The following RIPOR1 variants were observed in gnomAD, a reference collection of about 807,000 sequenced individuals.
The protein encoded by RIPOR1 is RHO family interacting cell polarization regulator 1.
In RIPOR1, 58 loss-of-function variants were observed where a neutral mutation model predicts 116.5. The observed-to-expected ratio is 0.50, with a 90% CI of 0.40 to 0.62. RIPOR1 has a LOEUF of 0.62. Among genes scored for constraint, RIPOR1 ranks in the 20% least tolerant of loss-of-function variants. RIPOR1 has a pLI of 0.00. For synonymous variants in RIPOR1, 605 were observed against 650.0 expected, an observed-to-expected ratio of 0.93 and a Z score of 1.05; for missense variants, 1,372 against 1,586.2, an observed-to-expected ratio of 0.86 and a Z score of 2.29.
chr16:67,538,979 C>A lies in RIPOR1; in HGVS notation c.258-11C>A. 6.2e-7 allele frequency: 1 copy of A among 1,613,924 alleles called. No individual in the cohort carries two copies. The highest frequency in any genetic ancestry group is 1.1e-5 in the South Asian group (1 of 91,046). ...AGCCGAGTTCATTCTTGTGGTCGCC[C>A]CTTTCCTCAGGGCCTACTTGGAAGT... On this transcript the variant is annotated splice_polypyrimidine_tract_variant and intron_variant, in intron 3 of 21. Coordinates refer to ENST00000042381, the MANE Select transcript of RIPOR1 (RefSeq NM_024519.4).
upstream of RIPOR1, among the ~76,000 whole-genome samples, chr16:67,526,654 G>A (rs562028628): frequency 1.2e-4 from 18 of 152,194 alleles, no homozygotes; most frequent in Admixed American, 2.0e-4. Flanking sequence ...GTTCCTACCC[G>A]CACACTACTT....
Position 67,538,984 on chromosome 16 carries a change from C to G in RIPOR1, c.258-6C>G, listed in dbSNP as rs772010535. 1 of 1,613,958 alleles carries G rather than the reference C, an allele frequency of 6.2e-7. No individual in the cohort carries two copies. The highest frequency in any genetic ancestry group is 1.1e-5 in the South Asian group (1 of 91,066). On this transcript the variant is annotated splice_region_variant and splice_polypyrimidine_tract_variant and intron_variant, in intron 3 of 21. Coordinates refer to ENST00000042381, the MANE Select transcript of RIPOR1 (RefSeq NM_024519.4). ...AGTTCATTCTTGTGGTCGCCCCTTTCCTCAGGGCCTACTTGGAAGTGCACC... is the reference window on the plus strand; with the variant it reads ...AGTTCATTCTTGTGGTCGCCCCTTTGCTCAGGGCCTACTTGGAAGTGCACC...
chr16:67,527,534 C>G (rs1230105247), upstream of RIPOR1, among the ~76,000 whole-genome samples: 1 of 151,720 alleles, frequency 6.6e-6, no homozygotes, highest in Non-Finnish European at 1.5e-5. Flanking sequence ...TCGCTTGAGC[C>G]CAGTTAGAGA....
rs1308261723 is a variant in RIPOR1, at chr16:67,538,412, G to A, written c.-23-12G>A. The A allele has an allele frequency of 2.2e-5, 34 of 1,562,524 alleles. No homozygotes were observed. Among genetic ancestry groups the A allele is most frequent in the Middle Eastern group, 3.3e-4 (2 of 6,016 alleles). On this transcript the variant is annotated splice_polypyrimidine_tract_variant and intron_variant, in intron 1 of 21. Coordinates refer to ENST00000042381, the MANE Select transcript of RIPOR1 (RefSeq NM_024519.4). ...TCCGACTGGTACTGGACACCCCCCC[G>A]ATCACCCGCAGGGAGCCCCGCGCGG...
rs766137795 is a variant in RIPOR1, at chr16:67,541,845, A to C, written c.1081-22A>C. On this transcript the variant is annotated intron_variant, in intron 12 of 21. Transcript: ENST00000042381. The surrounding 1 kb of genome is among the most constrained non-coding windows in gnomAD (Gnocchi z 4.6). ...AGAGGCTCCCTGGGGGTGGTTCTGA[A>C]ATGCCCTCTCCTCTTTCTCAGAACA... The C allele has an allele frequency of 6.2e-7, 1 of 1,612,218 alleles. No individual in the cohort carries two copies. Among genetic ancestry groups the C allele is most frequent in the Non-Finnish European group, 8.5e-7 (1 of 1,178,614 alleles).
At chr16:67,519,907 C>T (rs1054345148) in intron 1 of RIPOR1, among the ~76,000 whole-genome samples, 6 of 150,974 alleles carry the variant, frequency 4.0e-5, no homozygotes, top group African/African-American at 1.5e-4. Flanking sequence ...ACTAAAAATA[C>T]AAAAATTAGC....
intron 1 of RIPOR1, among the ~76,000 whole-genome samples, chr16:67,534,074 C>T (rs1210414758): frequency 2.7e-5 from 4 of 150,886 alleles, no homozygotes; most frequent in Non-Finnish European, 5.9e-5. Context: ...CCTGCCTCGG[C>T]CTCCCAAAGT....
At position 67,544,445 on chromosome 16, in the gene RIPOR1, T is replaced by C; in HGVS notation, c.2733+14T>C. The C allele has an allele frequency of 6.3e-7, 1 of 1,598,918 alleles. No homozygotes were observed. The highest frequency in any genetic ancestry group is 8.5e-7 in the Non-Finnish European group (1 of 1,172,970). Reference sequence around the variant, plus strand: ...CGCCTCCTGCTGGTGAGGCTGATGGTGTTCCCCCACCCTTCCTTTGTAACC... The same window carrying C: ...CGCCTCCTGCTGGTGAGGCTGATGGCGTTCCCCCACCCTTCCTTTGTAACC... On this transcript the variant is annotated intron_variant, in intron 15 of 21. Transcript: ENST00000042381. The surrounding 1 kb of genome is among the most constrained non-coding windows in gnomAD (Gnocchi z 5.1).
At chr16:67,523,750 G>A (rs1424009817) in intron 1 of RIPOR1, among the ~76,000 whole-genome samples, 4 of 151,084 alleles carry the variant, frequency 2.6e-5, no homozygotes, top group South Asian at 4.2e-4. Flanking sequence ...GCACAATCAC[G>A]GCTCACTGCA....
In RIPOR1 at chr16:67,529,559, G is replaced by A; in HGVS notation, c.-24+645G>A. ...CCGGGCCTGGGCTCTCTGCAGAACT[G>A]GTTTGGGCAAGGGGCTGCTCACCAG... On this transcript the variant is annotated intron_variant, in intron 1 of 21. Transcript: ENST00000042381. This position sits in a 1 kb window ranked among gnomAD's most constrained non-coding sequence, Gnocchi z 4.1. The A allele has an allele frequency of 1.9e-6, 1 of 540,280 alleles. No individual in the cohort carries two copies. The highest frequency in any genetic ancestry group is 3.3e-6 in the Non-Finnish European group (1 of 303,250). 33.5% of individuals were successfully genotyped at this position (540,280 alleles called of 1,614,324 possible).
Position 67,545,340 on chromosome 16 carries a change from C to G in RIPOR1, c.3032-36C>G. On this transcript the variant is annotated intron_variant, in intron 17 of 21. Coordinates refer to ENST00000042381, the MANE Select transcript of RIPOR1 (RefSeq NM_024519.4). This position sits in a 1 kb window ranked among gnomAD's most constrained non-coding sequence, Gnocchi z 4.8. ...CTCTCCCCTCTAAAAGCTGTGTTCA[C>G]CCAAACTCTGAGGCCCATGCTACTG... The G allele has an allele frequency of 3.7e-6, 6 of 1,601,688 alleles. No homozygotes were observed. The highest frequency in any genetic ancestry group is 5.1e-6 in the Non-Finnish European group (6 of 1,172,750).
At position 67,540,495 on chromosome 16, in the gene RIPOR1, G is replaced by A. The variant is rs151099148; in HGVS notation, c.669G>A (p.Gln223=). ...TCGCCAGGCTGTGTGTAGGCGATCA[G>A]TATGAGGTATGAGAATGTGCAGGGA... is the stretch of plus-strand genomic sequence containing the variant. ...AGFARLCVGD[Q]YEICMKYGRQ... Residue 223 remains glutamine (Q), a synonymous_variant, in exon 9 of 22, where the codon CAG becomes CAA. Transcript: ENST00000042381. This position sits in a 1 kb window ranked among gnomAD's most constrained non-coding sequence, Gnocchi z 4.7. 1,022 of 1,614,172 alleles carry A rather than the reference G, an allele frequency of 6.3e-4. 3 individuals are homozygous for A. The highest frequency in any genetic ancestry group is 4.6e-3 in the Middle Eastern group (28 of 6,060).
chr16:67,543,956 C>A lies in RIPOR1; in HGVS notation c.2601-343C>A. The A allele has an allele frequency of 2.5e-6, 1 of 392,776 alleles. No individual in the cohort carries two copies. Among genetic ancestry groups the A allele is most frequent in the Non-Finnish European group, 4.6e-6 (1 of 215,366 alleles). The allele number at this position is 392,776 out of a possible 1,614,324, so 24.3% of individuals were successfully genotyped here. ...TTCCCAGTTGAGAGTTGTGCCAGGT[C>A]CCTCCTTCCTCTGCTGCTGCCCAGG... On this transcript the variant is annotated intron_variant, in intron 14 of 21. Coordinates refer to ENST00000042381, the MANE Select transcript of RIPOR1 (RefSeq NM_024519.4). The surrounding 1 kb of genome is among the most constrained non-coding windows in gnomAD (Gnocchi z 4.7).
intron 20 of RIPOR1, 48 bp downstream of exon 20, chr16:67,546,080 C>T (rs758893596): frequency 1.4e-5 from 23 of 1,608,312 alleles, no homozygotes; most frequent in Non-Finnish European, 1.7e-5. Flanking sequence ...CCGGCACCCC[C>T]ACCCCTGAAA....
chr16:67,529,081 C>A lies in RIPOR1; in HGVS notation c.-24+167C>A, dbSNP rs899114680. Reference sequence around the variant, plus strand: ...CGCGCCTTGTCTTTCCTCCCCTCCCCCCGGGCGTGGAGAACGCAGCTTCTC... The same window carrying A: ...CGCGCCTTGTCTTTCCTCCCCTCCCACCGGGCGTGGAGAACGCAGCTTCTC... On this transcript the variant is annotated intron_variant, in intron 1 of 21. Transcript: ENST00000042381. The surrounding 1 kb of genome is among the most constrained non-coding windows in gnomAD (Gnocchi z 4.1). 5.3e-5 allele frequency among the ~76,000 whole-genome samples: 8 copies of A among 152,278 alleles called. No individual in the cohort carries two copies. Among genetic ancestry groups the A allele is most frequent in the South Asian group, 2.1e-4 (1 of 4,832 alleles).
chr16:67,541,253 T>TTTA lies in RIPOR1; in HGVS notation c.802-177_802-176insTTA. The TTTA allele has an allele frequency of 3.5e-5, 19 of 547,538 alleles. No individual in the cohort carries two copies. Among genetic ancestry groups the TTTA allele is most frequent in the South Asian group, 1.9e-4 (5 of 26,790 alleles). The allele number at this position is 547,538 out of a possible 1,614,324, so 33.9% of individuals were successfully genotyped here. ...TAAAAATTTTTTTTTTTTTTTTTTT[T>TTTA]GAGACAGAGTCTTGCCATGTTGCCC... On this transcript the variant is annotated intron_variant, in intron 10 of 21. Coordinates refer to ENST00000042381, the MANE Select transcript of RIPOR1 (RefSeq NM_024519.4). This position sits in a 1 kb window ranked among gnomAD's most constrained non-coding sequence, Gnocchi z 4.6.
Position 67,540,645 on chromosome 16 carries a change from G to A in RIPOR1, c.742G>A (p.Val248Met). The change falls in exon 10 of 22, where the codon GTG becomes ATG. Residue 248 changes from valine (V) to methionine (M), a missense_variant. By Grantham distance (21) the Val-to-Met change is conservative. Transcript: ENST00000042381. This position sits in a 1 kb window ranked among gnomAD's most constrained non-coding sequence, Gnocchi z 4.7. Reference protein sequence around the residue: ...RGRIEGSGKQVWDSEETIFLP... With the variant: ...RGRIEGSGKQMWDSEETIFLP... ...CCGAATTGAGGGTAGTGGAAAGCAG[G>A]TGTGGGACAGTGAAGAAACCATCTT... The A allele has an allele frequency of 6.2e-7, 1 of 1,613,458 alleles. No homozygotes were observed. Among genetic ancestry groups the A allele is most frequent in the Non-Finnish European group, 8.5e-7 (1 of 1,179,642 alleles).
rs772565678 is a variant in RIPOR1, at chr16:67,545,713, G to A, written c.3240G>A (p.Lys1080=). ...CGGATGATCAGGCTGTTGTGCTGAAGGCCCTGAGATTGGCGCCCGAGGGGC... is the reference window on the plus strand; with the variant it reads ...CGGATGATCAGGCTGTTGTGCTGAAAGCCCTGAGATTGGCGCCCGAGGGGC... ...LNSDDQAVVL[K]ALRLAPEGRL... Residue 1080 remains lysine (K), a synonymous_variant, in exon 19 of 22, where the codon AAG becomes AAA. Transcript: ENST00000042381. The surrounding 1 kb of genome is among the most constrained non-coding windows in gnomAD (Gnocchi z 4.8). 1 of 1,593,966 alleles carries A rather than the reference G, an allele frequency of 6.3e-7. No individual in the cohort carries two copies. The highest frequency in any genetic ancestry group is 8.5e-7 in the Non-Finnish European group (1 of 1,170,968).
Position 67,542,367 on chromosome 16 carries a change from A to G in RIPOR1, c.1581A>G (p.Leu527=). The G allele has an allele frequency of 3.1e-6, 5 of 1,613,816 alleles. No individual in the cohort carries two copies. The highest frequency in any genetic ancestry group is 2.5e-6 in the Non-Finnish European group (3 of 1,179,922). ...CAGACCCTGCCCCATCTGCACACCT[A>G]GACTCAGTTCATAAGTCCACAGACT... ...TSTDPAPSAH[L]DSVHKSTDSG... Residue 527 remains leucine (L), a synonymous_variant, in exon 13 of 22, where the codon CTA becomes CTG. Coordinates refer to ENST00000042381, the MANE Select transcript of RIPOR1 (RefSeq NM_024519.4). The surrounding 1 kb of genome is among the most constrained non-coding windows in gnomAD (Gnocchi z 4.6).
Sources: allele counts gnomAD v4.1 joint callset (sites outside exome capture counted in the v4.1 genomes callset), GRCh38; gene constraint gnomAD v4.1.1; non-coding constraint Gnocchi (gnomAD v3.1); transcripts MANE v1.5; gene names NCBI Gene and HGNC (gene_info 2026-07-23, HGNC 2026-07-21).